Variants in SND1 observed in about 807,000 individuals in gnomAD.
SND1 encodes the protein staphylococcal nuclease domain-containing protein 1.
In SND1, 38 loss-of-function variants were observed where a neutral mutation model predicts 121.7. The observed-to-expected ratio is 0.31, with a 90% CI of 0.24 to 0.41. The LOEUF is 0.41. SND1 is among the 10% of genes least tolerant of loss of function. SND1 has a pLI of 1.00. For synonymous variants in SND1, 401 were observed against 447.4 expected, an observed-to-expected ratio of 0.90 and a Z score of 1.31; for missense variants, 868 against 1,184.6, an observed-to-expected ratio of 0.73 and a Z score of 3.92.
chr7:128,085,990 C>T lies in SND1; in HGVS notation c.2304+210C>T, dbSNP rs543984589. Reference sequence around the variant, plus strand: ...AGTGGCTGCAAGCACTGATAGGTCCCGCATCCAGACCCCACGGATGAGTGT... The same window carrying T: ...AGTGGCTGCAAGCACTGATAGGTCCTGCATCCAGACCCCACGGATGAGTGT... On this transcript the variant is annotated intron_variant, in intron 20 of 23. Coordinates refer to ENST00000354725, the MANE Select transcript of SND1 (RefSeq NM_014390.4). The surrounding 1 kb of genome is among the most constrained non-coding windows in gnomAD (Gnocchi z 4.4). 2.6e-5 allele frequency among the ~76,000 whole-genome samples: 4 copies of T among 152,286 alleles called. No homozygotes were observed. Among genetic ancestry groups the T allele is most frequent in the East Asian group, 1.9e-4 (1 of 5,182 alleles).
chr7:127,808,786 C>T (rs1798284971), intron 11 of SND1, among the ~76,000 whole-genome samples: 2 of 152,186 alleles, frequency 1.3e-5, no homozygotes, highest in Admixed American at 1.3e-4. Context: ...ATTTCTAGAT[C>T]TCCTGTTATC....
chr7:128,086,243 G>A lies in SND1; in HGVS notation c.2304+463G>A, dbSNP rs189470909. On this transcript the variant is annotated intron_variant, in intron 20 of 23. Coordinates refer to ENST00000354725, the MANE Select transcript of SND1 (RefSeq NM_014390.4). ...GCACCCTTGGGAGAAAAATTTCTCC[G>A]GCTGGGCCTGGGAGTCTGTTGACAA... Among the ~76,000 whole-genome samples, 409 of 152,320 alleles carry A rather than the reference G, an allele frequency of 2.7e-3. 1 individual carries two copies. Among genetic ancestry groups the A allele is most frequent in the Non-Finnish European group, 4.7e-3 (320 of 68,032 alleles).
At chr7:127,798,651 AC>A (rs1164305014) in intron 10 of SND1, among the ~76,000 whole-genome samples, 1 of 151,390 alleles carries the variant, frequency 6.6e-6, no homozygotes, top group Non-Finnish European at 1.5e-5. Context: ...TAAAACTCTG[AC>A]CCCCTCTTTG....
At chr7:127,985,137 C>T (rs1802355573) in intron 15 of SND1, among the ~76,000 whole-genome samples, 3 of 152,206 alleles carry the variant, frequency 2.0e-5, no homozygotes, top group Admixed American at 2.0e-4. Context: ...ACTGACTTCC[C>T]ATTCCCAGCT....
chr7:127,885,339 A>G (rs1387580485), intron 12 of SND1, among the ~76,000 whole-genome samples: 1 of 152,178 alleles, frequency 6.6e-6, no homozygotes, highest in East Asian at 1.9e-4. Flanking sequence ...GATGGTTGTT[A>G]TCATTTCATG....
intron 10 of SND1, among the ~76,000 whole-genome samples, chr7:127,768,396 A>T (rs957296155): frequency 1.3e-5 from 2 of 152,212 alleles, no homozygotes; most frequent in African/African-American, 4.8e-5. Flanking sequence ...CAGAATGGCC[A>T]CCAAACTTGC....
At chr7:127,902,532 A>G (rs1800253973) in intron 13 of SND1, among the ~76,000 whole-genome samples, 1 of 152,132 alleles carries the variant, frequency 6.6e-6, no homozygotes, top group Non-Finnish European at 1.5e-5. Context: ...GGGGAGGTGG[A>G]AGAGTTGGAT....
intron 15 of SND1, among the ~76,000 whole-genome samples, chr7:127,945,792 A>T (rs572862819): frequency 1.3e-5 from 2 of 152,312 alleles, no homozygotes; most frequent in South Asian, 2.1e-4. Context: ...CATGCTGTGG[A>T]TTAACTCATT....
intron 15 of SND1, among the ~76,000 whole-genome samples, chr7:127,967,358 G>GA (rs1563073461): frequency 1.3e-5 from 2 of 152,270 alleles, no homozygotes; most frequent in East Asian, 1.9e-4. Flanking sequence ...GGGGTGGTGG[G>GA]AAAAAATGTG....
At chr7:127,867,184 A>G (rs578149437) in intron 12 of SND1, among the ~76,000 whole-genome samples, 1 of 152,202 alleles carries the variant, frequency 6.6e-6, no homozygotes, top group South Asian at 2.1e-4. Context: ...AACCTTCCCC[A>G]TCATTCACCA....
At chr7:127,914,284 G>A (rs1156520771) in intron 14 of SND1, among the ~76,000 whole-genome samples, 2 of 152,044 alleles carry the variant, frequency 1.3e-5, no homozygotes, top group African/African-American at 4.8e-5. Flanking sequence ...TGACTGACTC[G>A]GACTTCATTG....
At chr7:127,795,472 G>A (rs554630962) in intron 10 of SND1, among the ~76,000 whole-genome samples, 6 of 152,156 alleles carry the variant, frequency 3.9e-5, no homozygotes, top group South Asian at 4.2e-4. Context: ...TTATTTTAGC[G>A]TTGAACTGTC....
At chr7:128,013,837 G>C (rs1228904217) in intron 16 of SND1, among the ~76,000 whole-genome samples, 1 of 152,212 alleles carries the variant, frequency 6.6e-6, no homozygotes, top group Non-Finnish European at 1.5e-5. Flanking sequence ...GGGAGACCTC[G>C]GCCTAAGTTT....
At chr7:128,062,032 A>AG (rs1258132910) in intron 16 of SND1, among the ~76,000 whole-genome samples, 1 of 152,272 alleles carries the variant, frequency 6.6e-6, no homozygotes, top group Non-Finnish European at 1.5e-5. Flanking sequence ...GAACATGCAC[A>AG]GTCCCCCACA....
chr7:128,016,145 CT>C lies in SND1; in HGVS notation c.1779+25108del, dbSNP rs71312836. ...TGCTTAAATAGGGAGGAACAACTTC[CT>C]TTTTTTTTTTTTTTTTTTAAGAGAC... On this transcript the variant is annotated intron_variant, in intron 16 of 23. Transcript: ENST00000354725. Among the ~76,000 whole-genome samples the C allele has an allele frequency of 0.015, 2,232 of 144,236 alleles. 144 individuals are homozygous for C. The East Asian group carries it at 0.21, about 14-fold the overall frequency. 94.6% of individuals were successfully genotyped at this position (144,236 alleles called of 152,430 possible). A position where few individuals can be genotyped will look rare whatever the true frequency, so the allele number is the denominator to read the frequency against.
intron 17 of SND1, among the ~76,000 whole-genome samples, chr7:128,075,946 G>A (rs1176155003): frequency 6.6e-6 from 1 of 152,114 alleles, no homozygotes; most frequent in Non-Finnish European, 1.5e-5. Context: ...TGCAGGGAGA[G>A]GGGGGGAGGG....
At chr7:127,653,250 T>C (rs1267232407) in intron 1 of SND1, among the ~76,000 whole-genome samples, 1 of 152,222 alleles carries the variant, frequency 6.6e-6, no homozygotes, top group Non-Finnish European at 1.5e-5. Context: ...GCAAAGTTTA[T>C]TTTTACAATT....
chr7:127,941,132 G>A (rs941587040), intron 15 of SND1, among the ~76,000 whole-genome samples: 3 of 152,160 alleles, frequency 2.0e-5, no homozygotes, highest in Non-Finnish European at 4.4e-5. Context: ...CATTCTCTCC[G>A]TCATTTTATT....
intron 10 of SND1, among the ~76,000 whole-genome samples, chr7:127,776,074 A>G (rs1215585721): frequency 6.6e-6 from 1 of 152,208 alleles, no homozygotes; most frequent in East Asian, 1.9e-4. Flanking sequence ...AACACTGGGC[A>G]CCAAGTGTTT....
Sources: gnomAD v4.1 joint callset for allele counts (sites outside exome capture counted in the v4.1 genomes callset) on GRCh38, gnomAD v4.1.1 for gene constraint, Gnocchi (gnomAD v3.1) non-coding constraint, MANE v1.5 for transcripts, NCBI Gene and HGNC (gene_info 2026-07-23, HGNC 2026-07-21) for gene names.